The following ENOSF1 variants were observed in gnomAD, a reference collection of about 807,000 sequenced individuals.
ENOSF1 encodes the protein enolase superfamily member 1.
A neutral mutation model predicts 68.2 loss-of-function variants in ENOSF1; 73 were observed. The observed-to-expected ratio is 1.07, with a 90% CI of 0.89 to 1.30. The LOEUF (loss-of-function observed/expected upper bound fraction) is 1.30, where lower values mean the gene tolerates loss of function less well. Ranked by LOEUF, ENOSF1 falls within the 50% of genes most tolerant of loss-of-function variation. The pLI is 0.00. For synonymous variants in ENOSF1, 223 were observed against 210.4 expected, an observed-to-expected ratio of 1.06 and a Z score of -0.52; for missense variants, 589 against 554.5, an observed-to-expected ratio of 1.06 and a Z score of -0.62.
At chr18:683,772 G>GC (rs2144765586) in intron 10 of ENOSF1, among the ~76,000 whole-genome samples, 1 of 151,174 alleles carries the variant, frequency 6.6e-6, no homozygotes, top group African/African-American at 2.4e-5. Context: ...TCTGAATCAT[G>GC]CACAATCAAC....
At position 712,520 on chromosome 18, in the gene ENOSF1, T is replaced by C. The variant is rs930575062; in HGVS notation, c.68A>G (p.His23Arg). Residue 23 changes from histidine to arginine, a missense_variant, in exon 1 of 16, where the codon CAC (histidine) becomes CGC (arginine). By Grantham distance (29) the His-to-Arg change is conservative (BLOSUM62 0). Transcript: ENST00000647584. ...CGCGCTTACCATGGCGTCCGCGCCGTGGCCCCCAAGCGACGTGGGGAAGCG... is the reference window on the plus strand; with the variant it reads ...CGCGCTTACCATGGCGTCCGCGCCGCGGCCCCCAAGCGACGTGGGGAAGCG... ...DVRFPTSLGG[H>R]GADAMHTDPD... The C allele has an allele frequency of 2.6e-6, 4 of 1,539,364 alleles. No individual in the cohort carries two copies. The Admixed American group carries it at 7.9e-5, about 30-fold the overall frequency.
At chr18:674,564 G>C (rs1447811914) in intron 15 of ENOSF1, among the ~76,000 whole-genome samples, 158 bp from the exon 16 acceptor site, 5 of 152,108 alleles carry the variant, frequency 3.3e-5, no homozygotes, top group Non-Finnish European at 4.4e-5. Flanking sequence ...CGTTGCCCAG[G>C]CTGCAGTGCA....
At chr18:684,682 GCT>G (rs1310247477) in intron 10 of ENOSF1, among the ~76,000 whole-genome samples, 2 of 152,086 alleles carry the variant, frequency 1.3e-5, no homozygotes, top group Admixed American at 6.6e-5. Context: ...CTAGGCCCTG[GCT>G]CTCTGTGTAC....
At chr18:668,863 G>C (rs989960658), downstream of ENOSF1, among the ~76,000 whole-genome samples, 11 of 151,920 alleles carry the variant, frequency 7.2e-5, no homozygotes, top group Non-Finnish European at 1.2e-4. Context: ...GACTTTGTTA[G>C]GGCTCCAGAG....
At chr18:693,769 C>G in intron 5 of ENOSF1, 113 bp downstream of exon 5, 1 of 1,548,860 alleles carries the variant, frequency 6.5e-7, no homozygotes. Context: ...TTTATCATCG[C>G]TATAGTGATC....
intron 8 of ENOSF1, among the ~76,000 whole-genome samples, chr18:689,757 A>T (rs1471203513): frequency 6.6e-6 from 1 of 152,112 alleles, no homozygotes; most frequent in African/African-American, 2.4e-5. Context: ...CCTGAGTGAT[A>T]GGAGTGTCTT....
intron 11 of ENOSF1, among the ~76,000 whole-genome samples, chr18:679,745 C>T (rs2075889198): frequency 6.6e-6 from 1 of 152,088 alleles, no homozygotes; most frequent in Non-Finnish European, 1.5e-5. Flanking sequence ...ACCTCCGTCA[C>T]CTGCCACCTG....
downstream of ENOSF1, among the ~76,000 whole-genome samples, chr18:667,221 TGATGGTGATGGAGATGGA>T (rs1567990194): frequency 5.9e-4 from 22 of 37,050 alleles, 1 homozygote; most frequent in East Asian, 5.9e-3. Flanking sequence ...ATGGAGATGG[TGATGGTGATGGAGATGGA>T]GATGGTGATG....
chr18:686,204 C>T, intron 9 of ENOSF1, 196 bp from the exon 10 acceptor site: 1 of 540,578 alleles, frequency 1.8e-6, no homozygotes, highest in South Asian at 2.6e-5. Context: ...AGTATCAGGG[C>T]AATGACTCTC....
chr18:692,666 T>C (rs2077315438), intron 5 of ENOSF1: 1 of 970,030 alleles, frequency 1.0e-6, no homozygotes, highest in South Asian at 4.8e-5. Flanking sequence ...GGGAACAGGA[T>C]CCAAAAATGG....
chr18:667,617 G>GGTGATGGTGATGGTGATGGTGAT (rs201838394), downstream of ENOSF1: 2 of 46,618 alleles, frequency 4.3e-5, 1 homozygote, highest in Non-Finnish European at 8.6e-5. Flanking sequence ...TGATGGAGAT[G>GGTGATGGTGATGGTGATGGTGAT]GGTGATGGTG....
chr18:675,655 C>T lies in ENOSF1; in HGVS notation c.1149-253G>A, dbSNP rs970103195. 144 of 456,820 alleles carry T rather than the reference C, an allele frequency of 3.2e-4. 2 individuals carry two copies. The highest frequency in any genetic ancestry group is 2.3e-3 in the Middle Eastern group (4 of 1,736). 28.3% of individuals were successfully genotyped at this position (456,820 alleles called of 1,614,324 possible). A position where few individuals can be genotyped will look rare whatever the true frequency, so the allele number is the denominator to read the frequency against. ...GTCCCTCTAGAGGTTTTGTGGTGCC[C>T]TTTAAAAGGGATCAATTCAGACTCT... On this transcript the variant is annotated intron_variant, in intron 14 of 15. Coordinates refer to ENST00000647584, the MANE Select transcript of ENOSF1 (RefSeq NM_017512.7).
At chr18:686,921 G>A (rs2076660113) in intron 9 of ENOSF1, 1 of 152,342 alleles carries the variant, frequency 6.6e-6, no homozygotes, top group Admixed American at 6.5e-5. Flanking sequence ...ATGCTCCAGA[G>A]AGGGTGGCTG....
Position 670,457 on chromosome 18 carries a change from G to A in ENOSF1, c.*3848C>T, listed in dbSNP as rs1321084779. On this transcript the variant is annotated 3_prime_UTR_variant, in exon 16 of 16. Transcript: ENST00000647584. ...CCAGATCCCTTCAGCTCTGATGGAA[G>A]AGCATTGCTTCAGCCGTAAATGGAC... 5.7e-6 allele frequency: 3 copies of A among 523,600 alleles called. No homozygotes were observed. In the East Asian group the frequency reaches 9.5e-5, roughly 17 times the overall value. 32.4% of individuals were successfully genotyped at this position (523,600 alleles called of 1,614,324 possible). A position where few individuals can be genotyped will look rare whatever the true frequency, so the allele number is the denominator to read the frequency against.
At chr18:677,215 C>T in intron 14 of ENOSF1, 130 bp downstream of exon 14, 1 of 735,016 alleles carries the variant, frequency 1.4e-6, no homozygotes, top group Non-Finnish European at 2.2e-6. Context: ...ACCAACTCCG[C>T]CTGAGAGTTA....
chr18:704,897 C>G (rs942987764), intron 2 of ENOSF1, among the ~76,000 whole-genome samples: 3 of 152,118 alleles, frequency 2.0e-5, no homozygotes, highest in African/African-American at 7.2e-5. Context: ...TGAATCACCA[C>G]GCCTGGCCTA....
At chr18:667,803 G>A (rs1400815475), downstream of ENOSF1, 1 of 152,142 alleles carries the variant, frequency 6.6e-6, no homozygotes, top group African/African-American at 2.4e-5. Context: ...GGTGTCCGTA[G>A]GATGTGAGGC....
intron 11 of ENOSF1, among the ~76,000 whole-genome samples, chr18:679,153 T>A (rs2075820403): frequency 6.6e-6 from 1 of 151,452 alleles, no homozygotes; most frequent in African/African-American, 2.4e-5. Context: ...CATCACTCCA[T>A]CAATTCCCTT....
downstream of ENOSF1, chr18:669,233 G>T (rs1197251667): frequency 7.4e-6 from 11 of 1,495,646 alleles, no homozygotes; most frequent in Non-Finnish European, 1.0e-5. Context: ...GAAGCAATCT[G>T]GTTTTGTGCA....
Sources: gnomAD v4.1 joint callset for allele counts (sites outside exome capture counted in the v4.1 genomes callset) on GRCh38, gnomAD v4.1.1 for gene constraint, MANE v1.5 for transcripts, NCBI Gene and HGNC (gene_info 2026-07-23, HGNC 2026-07-21) for gene names.